MEGF11: variants seen among roughly 807,000 people sequenced by gnomAD.
MEGF11 encodes the protein multiple epidermal growth factor-like domains protein 11.
In MEGF11, 126 loss-of-function variants were observed where a neutral mutation model predicts 146.6. The ratio of observed to expected loss-of-function variants is 0.86; its 90% CI spans 0.74 to 1.00. The LOEUF (loss-of-function observed/expected upper bound fraction) is 1.00. Among genes scored for constraint, MEGF11 ranks in the 50% least tolerant of loss-of-function variants. The pLI is 0.00. For synonymous variants in MEGF11, 532 were observed against 583.4 expected (o/e 0.91, Z 1.27); for missense variants, 1,509 against 1,521.2 (o/e 0.99, Z 0.13).
intron 4 of MEGF11, among the ~76,000 whole-genome samples, chr15:66,118,783 C>T (rs781297887): frequency 3.9e-5 from 6 of 152,244 alleles, no homozygotes; most frequent in Non-Finnish European, 5.9e-5. Flanking sequence ...TTCTCCCTTG[C>T]TTCTCAGAGT....
intron 12 of MEGF11, among the ~76,000 whole-genome samples, 194 bp from the exon 13 acceptor site, chr15:65,928,721 G>A (rs2079462610): frequency 1.3e-5 from 2 of 152,250 alleles, no homozygotes; most frequent in South Asian, 4.2e-4. Flanking sequence ...GACACGTTTT[G>A]TAAGTGGGGA....
chr15:66,168,243 C>T (rs2090153255), intron 1 of MEGF11, among the ~76,000 whole-genome samples: 1 of 152,090 alleles, frequency 6.6e-6, no homozygotes, highest in African/African-American at 2.4e-5. Context: ...GCACTTCCCT[C>T]TGCCTGGAAT....
At chr15:66,151,144 G>A (rs1281551890) in intron 1 of MEGF11, among the ~76,000 whole-genome samples, 1 of 152,114 alleles carries the variant, frequency 6.6e-6, no homozygotes, top group East Asian at 1.9e-4. Context: ...GTCCTGACCA[G>A]CTGAGACACC....
intron 8 of MEGF11, among the ~76,000 whole-genome samples, chr15:65,967,336 G>GT (rs1346156845): frequency 6.6e-6 from 1 of 152,188 alleles, no homozygotes; most frequent in Non-Finnish European, 1.5e-5. Flanking sequence ...ATTCTAAAAT[G>GT]TTAATAGTAG....
chr15:65,922,226 A>G, intron 15 of MEGF11, 112 bp downstream of exon 15: 2 of 1,326,688 alleles, frequency 1.5e-6, no homozygotes, highest in East Asian at 2.5e-5. Context: ...TGAAGAGGGA[A>G]GGAGCTACCT....
intron 7 of MEGF11, among the ~76,000 whole-genome samples, chr15:65,976,131 C>T (rs558139902): frequency 5.3e-4 from 81 of 151,720 alleles, no homozygotes; most frequent in African/African-American, 1.9e-3. Flanking sequence ...CAACCTCCAC[C>T]TCCCAGGTTC....
intron 8 of MEGF11, among the ~76,000 whole-genome samples, chr15:65,967,748 G>C (rs1238810668): frequency 6.6e-6 from 1 of 152,140 alleles, no homozygotes; most frequent in Non-Finnish European, 1.5e-5. Context: ...ACTGGGGTCT[G>C]GCCTTGAGTG....
chr15:66,142,726 C>T (rs543285996), intron 1 of MEGF11, among the ~76,000 whole-genome samples: 1 of 152,184 alleles, frequency 6.6e-6, no homozygotes, highest in Non-Finnish European at 1.5e-5. Context: ...GGGTCTCTTG[C>T]CCCAGGTGTG....
chr15:66,247,560 G>A (rs897665909), intron 1 of MEGF11, among the ~76,000 whole-genome samples: 2 of 152,088 alleles, frequency 1.3e-5, no homozygotes, highest in Non-Finnish European at 2.9e-5. Flanking sequence ...TCCTCTCTGA[G>A]GCCCAATACA....
At chr15:66,240,375 G>C (rs1270012990) in intron 1 of MEGF11, among the ~76,000 whole-genome samples, 1 of 152,366 alleles carries the variant, frequency 6.6e-6, no homozygotes, top group South Asian at 2.1e-4. Context: ...GAAGGCAAAA[G>C]CAGCCAAGGT....
rs772059549 is a variant in MEGF11, at chr15:65,929,889, G to A, written c.1409-6C>T. ...GCAGTCCAGGCCCTGCCACCCTGAG[G>A]GGAGGGAAAGGGACTGTCACTTCTC... On this transcript the variant is annotated splice_region_variant and splice_polypyrimidine_tract_variant and intron_variant, in intron 11 of 25. Coordinates refer to ENST00000395614, the MANE Select transcript of MEGF11 (RefSeq NM_001385028.1). The A allele has an allele frequency of 6.3e-7, 1 of 1,591,766 alleles. No individual in the cohort carries two copies. The highest frequency in any genetic ancestry group is 1.1e-5 in the South Asian group (1 of 87,376).
intron 1 of MEGF11, among the ~76,000 whole-genome samples, chr15:66,131,423 T>C (rs2088641814): frequency 6.6e-6 from 1 of 152,220 alleles, no homozygotes; most frequent in African/African-American, 2.4e-5. Context: ...CTGGCAGAGC[T>C]GTGAAAGCCT....
At chr15:66,034,748 A>G (rs954848677) in intron 5 of MEGF11, among the ~76,000 whole-genome samples, 2 of 152,096 alleles carry the variant, frequency 1.3e-5, no homozygotes, top group Non-Finnish European at 2.9e-5. Context: ...GTGTTCCCCA[A>G]AAGTTTATGT....
intron 4 of MEGF11, among the ~76,000 whole-genome samples, chr15:66,118,748 C>A (rs114284167): frequency 1.7e-3 from 253 of 152,336 alleles, no homozygotes; most frequent in African/African-American, 6.0e-3. Context: ...CACATCTTAA[C>A]CCTGTGCCAG....
At chr15:66,247,983 CAAA>C (rs66701917) in intron 1 of MEGF11, among the ~76,000 whole-genome samples, 3 of 125,994 alleles carry the variant, frequency 2.4e-5, no homozygotes, top group Non-Finnish European at 5.3e-5. Context: ...ACTCCGTCTC[CAAA>C]AAAAAAAAAA....
rs535735191 is a variant in MEGF11 at position 66,241,610 on chromosome 15, T to G, written c.-9+11995A>C. ...CTCCAGGAACTGCAGGAGGCTTTTT[T>G]GCGGGGAGGAGGACACCATAGGGAC... On this transcript the variant is annotated intron_variant, in intron 1 of 25. Coordinates refer to ENST00000395614, the MANE Select transcript of MEGF11 (RefSeq NM_001385028.1). Among the ~76,000 whole-genome samples the G allele has an allele frequency of 3.8e-4, 58 of 152,186 alleles. 2 individuals carry two copies. The South Asian group carries it at 0.011, about 29-fold the overall frequency.
intron 1 of MEGF11, among the ~76,000 whole-genome samples, chr15:66,207,765 T>C (rs953370923): frequency 1.3e-5 from 2 of 152,144 alleles, no homozygotes; most frequent in African/African-American, 4.8e-5. Context: ...TATGATGTAA[T>C]TCGTATGACA....
chr15:66,222,389 T>C (rs978398730), intron 1 of MEGF11, among the ~76,000 whole-genome samples: 2 of 152,108 alleles, frequency 1.3e-5, no homozygotes, highest in African/African-American at 2.4e-5. Flanking sequence ...TCTCCCCCAA[T>C]CTTCCTTCCT....
At chr15:66,020,090 G>T (rs572307699) in intron 5 of MEGF11, among the ~76,000 whole-genome samples, 1 of 152,300 alleles carries the variant, frequency 6.6e-6, no homozygotes, top group Non-Finnish European at 1.5e-5. Context: ...TCCTGTAGGT[G>T]GTCCTGTAGG....
Sources: allele counts gnomAD v4.1 joint callset (sites outside exome capture counted in the v4.1 genomes callset), GRCh38; gene constraint gnomAD v4.1.1; transcripts MANE v1.5; gene names NCBI Gene and HGNC (gene_info 2026-07-23, HGNC 2026-07-21).